NSMAF: variants seen among roughly 807,000 people sequenced by gnomAD.
The protein encoded by NSMAF is protein FAN.
In NSMAF, 90 loss-of-function variants were observed where a neutral mutation model predicts 134.9. The observed-to-expected ratio is 0.67, with a 90% CI of 0.56 to 0.79. The LOEUF is 0.79. Among genes scored for constraint, NSMAF ranks in the 30% least tolerant of loss-of-function variants. The pLI, the probability that NSMAF is intolerant of heterozygous loss-of-function variation, is 0.00. For synonymous variants in NSMAF, 358 were observed against 389.6 expected (o/e 0.92, Z 0.96); for missense variants, 1,010 against 1,119.0 (o/e 0.90, Z 1.39).
intron 6 of NSMAF, among the ~76,000 whole-genome samples, chr8:58,631,186 T>C (rs1361143194): frequency 6.6e-6 from 1 of 152,146 alleles, no homozygotes; most frequent in Non-Finnish European, 1.5e-5. Context: ...AGTAACGTAC[T>C]GGTAAATAAA....
chr8:58,584,311 G>C (rs987297796), intron 30 of NSMAF, 111 bp from the exon 31 acceptor site: 25 of 746,204 alleles, frequency 3.4e-5, no homozygotes, highest in Non-Finnish European at 5.3e-5. Context: ...AACAAGTGAA[G>C]TAAGTTCTAT....
rs767841573 is a variant in NSMAF, at chr8:58,590,065, A to G, written c.2029T>C (p.Ser677Pro). 6.2e-7 allele frequency: 1 copy of G among 1,613,194 alleles called. No individual in the cohort carries two copies. The highest frequency in any genetic ancestry group is 1.3e-5 in the African/African-American group (1 of 74,932). Residue 677 changes from serine to proline, a missense_variant, in exon 25 of 31, where the codon TCT becomes CCT. Transcript: ENST00000038176. ...SISFSNMALS[S>P]CLLLPGDATV... ...GCATCTCCTGGTAAAAGTAAACAAG[A>G]CGATAAAGCCTGAAATACAAATGAT...
chr8:58,630,480 AG>A (rs1202234688), intron 6 of NSMAF, among the ~76,000 whole-genome samples: 1 of 152,120 alleles, frequency 6.6e-6, no homozygotes, highest in Non-Finnish European at 1.5e-5. Context: ...GAGCCTTTAG[AG>A]GAAGGGCACC....
chr8:58,645,266 T>TAA (rs112213500), intron 1 of NSMAF, among the ~76,000 whole-genome samples: 3 of 151,628 alleles, frequency 2.0e-5, no homozygotes, highest in African/African-American at 4.8e-5. Flanking sequence ...TTTTTCTATT[T>TAA]AAAAAAAAGT....
rs757146389 is a variant in NSMAF at position 58,594,321 on chromosome 8, A to G, written c.1893-31T>C. On this transcript the variant is annotated intron_variant, in intron 22 of 30. Coordinates refer to ENST00000038176, the MANE Select transcript of NSMAF (RefSeq NM_003580.4). ...CAAAAACAAAGTTTCACAAATTACTACTCATCATGTGTTAGGATACCCTCT... is the reference window on the plus strand; with the variant it reads ...CAAAAACAAAGTTTCACAAATTACTGCTCATCATGTGTTAGGATACCCTCT... 51 of 1,586,236 alleles carry G rather than the reference A, an allele frequency of 3.2e-5. No individual in the cohort carries two copies. In the Admixed American group the frequency reaches 7.8e-4, roughly 24 times the overall value.
At chr8:58,601,410 A>G in intron 15 of NSMAF, 35 bp downstream of exon 15, 1 of 1,611,800 alleles carries the variant, frequency 6.2e-7, no homozygotes, top group Non-Finnish European at 8.5e-7. Context: ...ACAGTGAAAT[A>G]AAATTTAATT....
intron 7 of NSMAF, 117 bp downstream of exon 7, chr8:58,623,592 A>T: frequency 9.4e-7 from 1 of 1,068,176 alleles, no homozygotes; most frequent in Non-Finnish European, 1.4e-6. Flanking sequence ...ATTTTAAGTC[A>T]ATCTGCTACA....
intron 2 of NSMAF, among the ~76,000 whole-genome samples, chr8:58,640,657 A>C (rs1807314117): frequency 6.6e-6 from 1 of 152,192 alleles, no homozygotes. Flanking sequence ...AAGTTGATTA[A>C]AATAATTTTC....
At chr8:58,613,520 G>T (rs55658192) in intron 9 of NSMAF, among the ~76,000 whole-genome samples, 19,718 of 151,410 alleles carry the variant, frequency 0.13, 3,115 homozygotes, top group African/African-American at 0.37. Context: ...TGAAAAATAC[G>T]AGAATTACCG....
intron 22 of NSMAF, chr8:58,594,796 T>C (rs73250303): frequency 0.051 from 7,927 of 155,914 alleles, 670 homozygotes; most frequent in African/African-American, 0.18. Flanking sequence ...AAGACAGCCA[T>C]TGTCATCATG....
In NSMAF at chr8:58,602,044, C is replaced by G; in HGVS notation, c.1125+14G>C. 6.2e-7 allele frequency: 1 copy of G among 1,602,586 alleles called. No individual in the cohort carries two copies. The highest frequency in any genetic ancestry group is 8.5e-7 in the Non-Finnish European group (1 of 1,171,980). On this transcript the variant is annotated intron_variant, in intron 14 of 30. Coordinates refer to ENST00000038176, the MANE Select transcript of NSMAF (RefSeq NM_003580.4). ...CGTGTTGCTTAGAAACCAAGAATCT[C>G]TAAGTCCACATACCAGTAGTCTCTC...
At chr8:58,619,766 T>C (rs1447107409) in intron 9 of NSMAF, among the ~76,000 whole-genome samples, 2 of 152,058 alleles carry the variant, frequency 1.3e-5, no homozygotes, top group Admixed American at 1.3e-4. Context: ...AAGGAATATA[T>C]TAAAGGGGAC....
At chr8:58,627,016 T>C (rs1452491792) in intron 6 of NSMAF, among the ~76,000 whole-genome samples, 1 of 152,158 alleles carries the variant, frequency 6.6e-6, no homozygotes, top group African/African-American at 2.4e-5. Flanking sequence ...CTTTTGAGAA[T>C]TGTCTATTCA....
chr8:58,587,535 T>C (rs746838232), intron 27 of NSMAF, 83 bp downstream of exon 27: 336 of 1,109,614 alleles, frequency 3.0e-4, no homozygotes, highest in Non-Finnish European at 3.9e-4. Context: ...CAAAACAACA[T>C]GAACAAAACC....
At position 58,643,531 on chromosome 8, in the gene NSMAF, G is replaced by C. The variant is rs1465891189; in HGVS notation, c.60-458C>G. On this transcript the variant is annotated intron_variant, in intron 1 of 30. Coordinates refer to ENST00000038176, the MANE Select transcript of NSMAF (RefSeq NM_003580.4). ...ACAAGAACACATGCCTCTAGGGACA[G>C]ATCTTTTTTTTTTTTTTTGGGACGG... Among the ~76,000 whole-genome samples, 4 of 133,124 alleles carry C rather than the reference G, an allele frequency of 3.0e-5. No individual in the cohort carries two copies. In the East Asian group the frequency reaches 9.5e-4, roughly 32 times the overall value. 87.3% of individuals were successfully genotyped at this position (133,124 alleles called of 152,430 possible). A position where few individuals can be genotyped will look rare whatever the true frequency, so the allele number is the denominator to read the frequency against.
At chr8:58,599,585 A>T (rs905141381) in intron 18 of NSMAF, 165 bp downstream of exon 18, 9 of 891,136 alleles carry the variant, frequency 1.0e-5, no homozygotes, top group Non-Finnish European at 1.5e-5. Flanking sequence ...TAATGTTTTT[A>T]CATCACAGAC....
At chr8:58,600,775 C>T (rs1231502277) in intron 16 of NSMAF, among the ~76,000 whole-genome samples, 1 of 147,144 alleles carries the variant, frequency 6.8e-6, no homozygotes, top group South Asian at 2.2e-4. Flanking sequence ...GGTGGGATAC[C>T]AAGTAAACTT....
At chr8:58,591,633 G>T (rs1295728653) in intron 23 of NSMAF, among the ~76,000 whole-genome samples, 1 of 151,498 alleles carries the variant, frequency 6.6e-6, no homozygotes, top group Non-Finnish European at 1.5e-5. Context: ...ATTTTTTGAC[G>T]TGCACACCAC....
chr8:58,612,503 AC>A (rs1319947821), intron 9 of NSMAF, among the ~76,000 whole-genome samples: 31 of 152,210 alleles, frequency 2.0e-4, no homozygotes, highest in African/African-American at 7.5e-4. Flanking sequence ...AAACTGGTAA[AC>A]ATAAGTAAAT....
Sources: allele counts gnomAD v4.1 joint callset (sites outside exome capture counted in the v4.1 genomes callset), GRCh38; gene constraint gnomAD v4.1.1; transcripts MANE v1.5; gene names NCBI Gene and HGNC (gene_info 2026-07-23, HGNC 2026-07-21).